The following MCTP1 variants were observed in gnomAD, a reference collection of about 807,000 sequenced individuals.
The protein encoded by MCTP1 is multiple C2 and transmembrane domain-containing protein 1.
MCTP1 carries 69 observed loss-of-function variants against 120.6 expected under a neutral mutation model. The observed-to-expected ratio is 0.57, with a 90% confidence interval of 0.47 to 0.70. The LOEUF is 0.70. MCTP1 is among the 30% of genes least tolerant of loss of function. The probability of loss-of-function intolerance (pLI) is 0.00; values close to 1 mark genes in which losing one functional copy is unlikely to be tolerated. For missense variants in MCTP1, 1,203 were observed against 1,248.8 expected, an observed-to-expected ratio of 0.96 and a Z score of 0.55; for synonymous variants, 529 against 493.1, an observed-to-expected ratio of 1.07 and a Z score of -0.96.
At chr5:94,863,456 A>G (rs944479948) in intron 17 of MCTP1, among the ~76,000 whole-genome samples, 1 of 151,858 alleles carries the variant, frequency 6.6e-6, no homozygotes, top group Non-Finnish European at 1.5e-5. Context: ...TTCAGAATAG[A>G]TATTTCTGTT....
chr5:94,926,092 C>T (rs1813033376), intron 6 of MCTP1, among the ~76,000 whole-genome samples: 1 of 151,926 alleles, frequency 6.6e-6, no homozygotes, highest in Admixed American at 6.6e-5. Flanking sequence ...TTTTTTTCAG[C>T]CTTCTACATA....
chr5:95,182,864 T>G (rs1748760191), intron 1 of MCTP1, among the ~76,000 whole-genome samples: 1 of 151,672 alleles, frequency 6.6e-6, no homozygotes, highest in Non-Finnish European at 1.5e-5. Flanking sequence ...CTACTAAAAA[T>G]ACAAAATAAA....
intron 1 of MCTP1, among the ~76,000 whole-genome samples, chr5:95,226,452 C>T (rs1478652999): frequency 6.6e-6 from 1 of 152,148 alleles, no homozygotes; most frequent in Non-Finnish European, 1.5e-5. Context: ...TATGAAGAAT[C>T]TCTGTGTGAC....
intron 18 of MCTP1, among the ~76,000 whole-genome samples, chr5:94,779,892 A>G (rs570512026): frequency 2.8e-4 from 42 of 152,274 alleles, no homozygotes; most frequent in African/African-American, 9.9e-4. Flanking sequence ...ACCTCAGCAG[A>G]ATGGAACAGT....
chr5:95,083,105 A>T (rs1317269796), intron 1 of MCTP1, among the ~76,000 whole-genome samples: 1 of 152,224 alleles, frequency 6.6e-6, no homozygotes, highest in Non-Finnish European at 1.5e-5. Context: ...TGACATGGTC[A>T]TCAATACATA....
At chr5:94,991,099 C>A (rs451038) in intron 2 of MCTP1, among the ~76,000 whole-genome samples, 111,433 of 152,148 alleles carry the variant, frequency 0.73, 41,131 homozygotes, top group Admixed American at 0.81. Context: ...GTGTTTGTAC[C>A]ATTGAGCAAT....
chr5:94,853,321 G>GGACT (rs773789143), intron 17 of MCTP1, among the ~76,000 whole-genome samples: 4 of 151,934 alleles, frequency 2.6e-5, no homozygotes, highest in Non-Finnish European at 1.5e-5. Flanking sequence ...GCATTAGAAA[G>GGACT]GACTCTCCTG....
chr5:94,815,042 T>C (rs1580826905), intron 17 of MCTP1, among the ~76,000 whole-genome samples: 1 of 152,198 alleles, frequency 6.6e-6, no homozygotes, highest in African/African-American at 2.4e-5. Context: ...ACAGCAGGAA[T>C]ACATGTTATG....
At chr5:95,015,428 AC>A (rs1836908100) in intron 2 of MCTP1, among the ~76,000 whole-genome samples, 2 of 152,184 alleles carry the variant, frequency 1.3e-5, no homozygotes, top group African/African-American at 4.8e-5. Context: ...AAGAAAATTG[AC>A]TCAGATAAAT....
At chr5:95,164,412 A>G (rs1409865916) in intron 1 of MCTP1, among the ~76,000 whole-genome samples, 10 of 152,208 alleles carry the variant, frequency 6.6e-5, no homozygotes, top group African/African-American at 2.4e-4. Flanking sequence ...GGCAAGATTA[A>G]AGAAAACATT....
chr5:94,953,438 A>G, intron 2 of MCTP1, 77 bp from the exon 3 acceptor site: 2 of 1,154,864 alleles, frequency 1.7e-6, no homozygotes, highest in Non-Finnish European at 2.3e-6. Context: ...TGAAACAACA[A>G]AAAGTATTTA....
chr5:95,238,170 C>T (rs1367224742), intron 1 of MCTP1, among the ~76,000 whole-genome samples: 1 of 152,154 alleles, frequency 6.6e-6, no homozygotes, highest in Non-Finnish European at 1.5e-5. Context: ...CGTTCCCATG[C>T]CGGTCTCCTT....
chr5:94,861,465 G>A (rs1795767560), intron 17 of MCTP1, among the ~76,000 whole-genome samples: 1 of 151,790 alleles, frequency 6.6e-6, no homozygotes, highest in South Asian at 2.1e-4. Context: ...CATGGAGAGT[G>A]AACTTAATGA....
At chr5:94,867,243 T>C (rs1213018647) in intron 17 of MCTP1, 8 of 1,460,310 alleles carry the variant, frequency 5.5e-6, no homozygotes, top group East Asian at 2.6e-5. Flanking sequence ...TTAACGATAA[T>C]GACAATTGCT....
chr5:94,759,444 T>C (rs1208873845), intron 19 of MCTP1, among the ~76,000 whole-genome samples: 2 of 152,212 alleles, frequency 1.3e-5, no homozygotes, highest in Non-Finnish European at 2.9e-5. Flanking sequence ...AAAGAACACG[T>C]CTGCACTTAA....
chr5:94,910,638 G>A (rs1808305684), intron 9 of MCTP1, among the ~76,000 whole-genome samples: 1 of 152,154 alleles, frequency 6.6e-6, no homozygotes, highest in South Asian at 2.1e-4. Context: ...AGAGACACAT[G>A]TCCATTGCTG....
intron 1 of MCTP1, among the ~76,000 whole-genome samples, chr5:95,213,512 A>G (rs1752653065): frequency 4.6e-5 from 7 of 152,112 alleles, no homozygotes; most frequent in Admixed American, 4.6e-4. Context: ...GGAAAAAACT[A>G]CTTGAAAGTT....
At chr5:95,146,928 C>G (rs1760441217) in intron 1 of MCTP1, among the ~76,000 whole-genome samples, 1 of 151,992 alleles carries the variant, frequency 6.6e-6, no homozygotes, top group African/African-American at 2.4e-5. Flanking sequence ...TACAGAATTT[C>G]TTTGTTAGTT....
intron 8 of MCTP1, among the ~76,000 whole-genome samples, chr5:94,913,855 C>A (rs1024062636): frequency 6.6e-6 from 1 of 151,992 alleles, no homozygotes; most frequent in Admixed American, 6.6e-5. Context: ...CTGCACCCAG[C>A]TAATTTTTAT....
Sources: gnomAD v4.1 joint callset for allele counts (sites outside exome capture counted in the v4.1 genomes callset) on GRCh38, gnomAD v4.1.1 for gene constraint, MANE v1.5 for transcripts, NCBI Gene and HGNC (gene_info 2026-07-23, HGNC 2026-07-21) for gene names.